Variants in SLC35A1 observed in about 807,000 individuals in gnomAD.
The protein encoded by SLC35A1 is CMP-sialic acid transporter.
A neutral mutation model predicts 40.3 loss-of-function variants in SLC35A1; 21 were observed. The ratio of observed to expected loss-of-function variants is 0.52; its 90% CI spans 0.37 to 0.75. SLC35A1 has a LOEUF of 0.75. Ranked by LOEUF, SLC35A1 falls within the 30% of genes least tolerant of loss-of-function variation. The probability of loss-of-function intolerance (pLI) is 0.00; values close to 1 mark genes in which losing one functional copy is unlikely to be tolerated. For missense variants in SLC35A1, 297 were observed against 382.1 expected, an observed-to-expected ratio of 0.78 and a Z score of 1.86; for synonymous variants, 146 against 147.3, an observed-to-expected ratio of 0.99 and a Z score of 0.06.
intron 2 of SLC35A1, among the ~76,000 whole-genome samples, chr6:87,483,306 TCTC>T (rs1370941173): frequency 6.6e-6 from 1 of 151,970 alleles, no homozygotes; most frequent in Non-Finnish European, 1.5e-5. Flanking sequence ...TGTTCTTCCC[TCTC>T]CTCCTTCCCC....
intron 2 of SLC35A1, among the ~76,000 whole-genome samples, chr6:87,479,866 C>T (rs1038913854): frequency 2.0e-5 from 3 of 152,174 alleles, no homozygotes; most frequent in African/African-American, 4.8e-5. Context: ...TGGTATTCCC[C>T]GTGGGACTCC....
chr6:87,475,101 T>A (rs1228069909), intron 1 of SLC35A1, among the ~76,000 whole-genome samples: 7 of 152,200 alleles, frequency 4.6e-5, no homozygotes, highest in Non-Finnish European at 1.0e-4. Flanking sequence ...GGATAGTCTC[T>A]TGTCATAACT....
chr6:87,501,271 G>A lies in SLC35A1; in HGVS notation c.468G>A (p.Thr156=), dbSNP rs777582994. ...VSVFMLCAGV[T]LVQWKPAQAT... ...TTTTTATGCTGTGTGCTGGAGTTAC[G>A]CTTGTACAGTGGAAACCAGCCCAAG... Residue 156 remains threonine (T), a synonymous_variant, in exon 4 of 8, where the codon ACG becomes ACA. Transcript: ENST00000369552. 11 of 1,613,916 alleles carry A rather than the reference G, an allele frequency of 6.8e-6. No homozygotes were observed. In the African/African-American group the frequency reaches 1.2e-4, roughly 18 times the overall value.
In SLC35A1 at chr6:87,506,394, C is replaced by A. The variant is rs755013975; in HGVS notation, c.520C>A (p.Pro174Thr). 7 of 1,613,146 alleles carry A rather than the reference C, an allele frequency of 4.3e-6. No individual in the cohort carries two copies. Among genetic ancestry groups the A allele is most frequent in the Non-Finnish European group, 5.9e-6 (7 of 1,179,274 alleles). The change falls in exon 5 of 8, where the codon CCA (proline) becomes ACA (threonine). Residue 174 changes from proline (P) to threonine (T), a missense_variant. Coordinates refer to ENST00000369552, the MANE Select transcript of SLC35A1 (RefSeq NM_006416.5). ...QATKVVVEQNPLLGFGAIAIA... is the reference protein window; with the variant it reads ...QATKVVVEQNTLLGFGAIAIA... Reference sequence around the variant, plus strand: ...ATTAATATTGCAGGTGGAACAAAATCCATTATTAGGGTTTGGCGCTATAGC... The same window carrying A: ...ATTAATATTGCAGGTGGAACAAAATACATTATTAGGGTTTGGCGCTATAGC...
chr6:87,504,807 A>G lies in SLC35A1; in HGVS notation c.508-1575A>G, dbSNP rs6901374. ...AAGTCAAGAATTTATCAGGCACTCT[A>G]TTTTTAGCAGTTGGAGCTTCCCAGC... On this transcript the variant is annotated intron_variant, in intron 4 of 7. Coordinates refer to ENST00000369552, the MANE Select transcript of SLC35A1 (RefSeq NM_006416.5). Among the ~76,000 whole-genome samples, 1,405 of 152,318 alleles carry G rather than the reference A, an allele frequency of 9.2e-3. 23 individuals are homozygous for G. The highest frequency in any genetic ancestry group is 0.031 in the African/African-American group (1,306 of 41,566).
At chr6:87,497,618 G>A (rs1053704193) in intron 2 of SLC35A1, among the ~76,000 whole-genome samples, 6 of 152,216 alleles carry the variant, frequency 3.9e-5, no homozygotes, top group South Asian at 2.1e-4. Flanking sequence ...ATTTGGAGTA[G>A]CAGTTGGATC....
intron 2 of SLC35A1, among the ~76,000 whole-genome samples, chr6:87,500,209 G>A (rs942255624): frequency 6.6e-6 from 1 of 152,110 alleles, no homozygotes; most frequent in Non-Finnish European, 1.5e-5. Flanking sequence ...TTTTTTTATA[G>A]GTAATATCAA....
chr6:87,498,755 G>GA (rs1431749906), intron 2 of SLC35A1, among the ~76,000 whole-genome samples: 3 of 152,022 alleles, frequency 2.0e-5, no homozygotes, highest in Non-Finnish European at 2.9e-5. Flanking sequence ...GGGTGACAGA[G>GA]AAAGACTCCG....
intron 1 of SLC35A1, among the ~76,000 whole-genome samples, chr6:87,477,124 A>C (rs1769097673): frequency 6.6e-6 from 1 of 152,106 alleles, no homozygotes; most frequent in Admixed American, 6.5e-5. Flanking sequence ...CTCCCTAGGA[A>C]CAAAACTTAT....
chr6:87,486,004 A>G (rs1476104037), intron 2 of SLC35A1, among the ~76,000 whole-genome samples: 1 of 152,192 alleles, frequency 6.6e-6, no homozygotes, highest in Non-Finnish European at 1.5e-5. Context: ...CTTTTTGCCC[A>G]TTCTTTACAC....
At chr6:87,494,422 AT>A (rs61583010) in intron 2 of SLC35A1, among the ~76,000 whole-genome samples, 74,965 of 132,656 alleles carry the variant, frequency 0.57, 20,543 homozygotes, top group African/African-American at 0.68. Context: ...AAATATTTGA[AT>A]TTTTTTTTTT....
At chr6:87,491,944 T>G (rs1216434797) in intron 2 of SLC35A1, among the ~76,000 whole-genome samples, 4 of 152,242 alleles carry the variant, frequency 2.6e-5, no homozygotes, top group African/African-American at 7.2e-5. Flanking sequence ...ATATGAATTT[T>G]AAGGGGTAAC....
intron 2 of SLC35A1, among the ~76,000 whole-genome samples, chr6:87,484,635 G>A (rs1391063340): frequency 6.6e-6 from 1 of 152,204 alleles, no homozygotes; most frequent in African/African-American, 2.4e-5. Context: ...GAATGAGTCA[G>A]GATGGAGAAT....
chr6:87,503,088 C>CT (rs1769969258), intron 4 of SLC35A1, among the ~76,000 whole-genome samples: 1 of 152,156 alleles, frequency 6.6e-6, no homozygotes, highest in Admixed American at 6.5e-5. Context: ...CCTTCTGGGT[C>CT]TTTAATGAAA....
intron 2 of SLC35A1, among the ~76,000 whole-genome samples, chr6:87,479,389 A>G (rs1336239828): frequency 1.3e-5 from 2 of 152,200 alleles, no homozygotes; most frequent in Non-Finnish European, 2.9e-5. Context: ...ACAGCACCCG[A>G]CAAGAATAAG....
chr6:87,480,588 G>T (rs989028667), intron 2 of SLC35A1, among the ~76,000 whole-genome samples: 1 of 152,180 alleles, frequency 6.6e-6, no homozygotes, highest in Non-Finnish European at 1.5e-5. Flanking sequence ...GTAGGTTTGT[G>T]AAAGGGGCAG....
chr6:87,495,583 C>A lies in SLC35A1; in HGVS notation c.195-4925C>A, dbSNP rs114260622. On this transcript the variant is annotated intron_variant, in intron 2 of 7. Coordinates refer to ENST00000369552, the MANE Select transcript of SLC35A1 (RefSeq NM_006416.5). ...TTGGGGAGGAAGTAAAAATCATGTCCCTCATATGAAGGGTATTTTTGTCCT... is the reference window on the plus strand; with the variant it reads ...TTGGGGAGGAAGTAAAAATCATGTCACTCATATGAAGGGTATTTTTGTCCT... Among the ~76,000 whole-genome samples the A allele has an allele frequency of 2.5e-3, 386 of 152,018 alleles. 2 individuals carry two copies. The highest frequency in any genetic ancestry group is 0.021 in the Middle Eastern group (6 of 292).
In SLC35A1 at chr6:87,477,557, T is replaced by C. The variant is rs189860204; in HGVS notation, c.194+18T>C. The C allele has an allele frequency of 8.4e-5, 132 of 1,579,850 alleles. No homozygotes were observed. The highest frequency in any genetic ancestry group is 2.5e-4 in the East Asian group (11 of 44,728). ...TTAGCTAAGTGAGTATAAATACTTA[T>C]AGTGTGTTAAATTATTTTTCTACCT... On this transcript the variant is annotated intron_variant, in intron 2 of 7. Transcript: ENST00000369552.
Position 87,511,673 on chromosome 6 carries a change from C to T in SLC35A1, c.*147C>T, listed in dbSNP as rs55960393. 33,314 of 869,788 alleles carry T rather than the reference C, an allele frequency of 0.038. 807 individuals are homozygous for T. The highest frequency in any genetic ancestry group is 0.047 in the Non-Finnish European group (24,348 of 520,296). The allele number at this position is 869,788 out of a possible 1,614,324, so 53.9% of individuals were successfully genotyped here. A position where few individuals can be genotyped will look rare whatever the true frequency, so the allele number is the denominator to read the frequency against. ...TTATGTGGAAACAACAACAAACAAA[C>T]GAAGCTATCTGAGTGAACTGCTAAT... On this transcript the variant is annotated 3_prime_UTR_variant, in exon 8 of 8. Coordinates refer to ENST00000369552, the MANE Select transcript of SLC35A1 (RefSeq NM_006416.5).
Sources: gnomAD v4.1 joint callset for allele counts (sites outside exome capture counted in the v4.1 genomes callset) on GRCh38, gnomAD v4.1.1 for gene constraint, MANE v1.5 for transcripts, NCBI Gene and HGNC (gene_info 2026-07-23, HGNC 2026-07-21) for gene names.